The following MCF2L2 variants were observed in gnomAD, a reference collection of about 807,000 sequenced individuals.
The protein encoded by MCF2L2 is probable guanine nucleotide exchange factor MCF2L2.
Under a neutral mutation model 150.2 loss-of-function variants are expected in MCF2L2, and 102 were observed. That is an observed-to-expected ratio of 0.68 (90% CI 0.58 to 0.80). MCF2L2 has a LOEUF of 0.80. MCF2L2 is among the 30% of genes least tolerant of loss of function. The pLI is 0.00. For missense variants in MCF2L2, 1,256 were observed against 1,372.8 expected (o/e 0.91, Z 1.34); for synonymous variants, 465 against 491.3 (o/e 0.95, Z 0.71).
At chr3:183,219,547 G>A (rs538251621) in intron 21 of MCF2L2, among the ~76,000 whole-genome samples, 2 of 151,862 alleles carry the variant, frequency 1.3e-5, no homozygotes, top group East Asian at 3.9e-4. Context: ...GGAGGCAGAG[G>A]TTGCAGTGAG....
At chr3:183,357,663 A>AC (rs1473042327) in intron 3 of MCF2L2, among the ~76,000 whole-genome samples, 2 of 152,116 alleles carry the variant, frequency 1.3e-5, no homozygotes, top group Non-Finnish European at 2.9e-5. Flanking sequence ...TATCTTTTCC[A>AC]TGCACACCCT....
At chr3:183,255,948 T>C (rs1725009019) in intron 15 of MCF2L2, among the ~76,000 whole-genome samples, 1 of 152,164 alleles carries the variant, frequency 6.6e-6, no homozygotes, top group African/African-American at 2.4e-5. Flanking sequence ...GACTTTCACA[T>C]TGTAAAGGGT....
chr3:183,238,725 C>T (rs989382978), intron 15 of MCF2L2, among the ~76,000 whole-genome samples: 2 of 150,788 alleles, frequency 1.3e-5, no homozygotes, highest in Admixed American at 6.6e-5. Flanking sequence ...CGGCCGGGCG[C>T]GGTGGCTCAC....
At chr3:183,353,561 G>T (rs780928606) in intron 3 of MCF2L2, among the ~76,000 whole-genome samples, 1 of 152,072 alleles carries the variant, frequency 6.6e-6, no homozygotes, top group Non-Finnish European at 1.5e-5. Flanking sequence ...AAGGCAAAGC[G>T]GGGCAGGCAC....
intron 5 of MCF2L2, among the ~76,000 whole-genome samples, chr3:183,330,055 G>C (rs1357065710): frequency 6.6e-6 from 1 of 151,146 alleles, no homozygotes; most frequent in Non-Finnish European, 1.5e-5. Flanking sequence ...GGCAATACAA[G>C]GAAACCCCTG....
intron 3 of MCF2L2, among the ~76,000 whole-genome samples, chr3:183,342,572 C>T (rs943646237): frequency 1.3e-5 from 2 of 151,134 alleles, no homozygotes; most frequent in African/African-American, 4.9e-5. Context: ...GTTTGTAAAT[C>T]TGAAATAATA....
At chr3:183,344,752 GAA>G (rs1188181212) in intron 3 of MCF2L2, among the ~76,000 whole-genome samples, 1 of 151,272 alleles carries the variant, frequency 6.6e-6, no homozygotes, top group Non-Finnish European at 1.5e-5. Flanking sequence ...CAAATGGAAA[GAA>G]AAAAAAGACA....
At chr3:183,265,411 G>A (rs1374767789) in intron 15 of MCF2L2, 1 of 152,370 alleles carries the variant, frequency 6.6e-6, no homozygotes, top group African/African-American at 2.4e-5. Context: ...CGGCAGGCTT[G>A]TGGGCTTCTT....
intron 5 of MCF2L2, among the ~76,000 whole-genome samples, chr3:183,328,439 G>A (rs1730138893): frequency 6.6e-6 from 1 of 151,820 alleles, no homozygotes. Context: ...CAACTTGTGG[G>A]ATCTGATGCT....
chr3:183,180,324 G>A, intron 27 of MCF2L2, 165 bp from the exon 28 acceptor site: 1 of 561,020 alleles, frequency 1.8e-6, no homozygotes. Flanking sequence ...GGGGGTCTGT[G>A]ATCTCCAGGC....
At chr3:183,392,098 T>A (rs1714187603) in intron 1 of MCF2L2, among the ~76,000 whole-genome samples, 1 of 152,108 alleles carries the variant, frequency 6.6e-6, no homozygotes, top group South Asian at 2.1e-4. Flanking sequence ...AAAACAAAAA[T>A]CATAAGGTGT....
At chr3:183,185,753 C>T (rs541524493) in intron 27 of MCF2L2, among the ~76,000 whole-genome samples, 1 of 152,258 alleles carries the variant, frequency 6.6e-6, no homozygotes, top group African/African-American at 2.4e-5. Flanking sequence ...TGCTTGGTGG[C>T]CCAGAGTATA....
chr3:183,393,484 C>A (rs1714279009), intron 1 of MCF2L2, among the ~76,000 whole-genome samples: 1 of 152,124 alleles, frequency 6.6e-6, no homozygotes, highest in Non-Finnish European at 1.5e-5. Context: ...TGAGCCATTG[C>A]GCCTGGCAGA....
intron 5 of MCF2L2, among the ~76,000 whole-genome samples, chr3:183,338,278 C>T (rs947868245): frequency 5.3e-5 from 8 of 151,884 alleles, no homozygotes; most frequent in African/African-American, 1.7e-4. Context: ...GAAACCCCGT[C>T]TCTACTAAAA....
chr3:183,352,678 T>A (rs1711549352), intron 3 of MCF2L2, among the ~76,000 whole-genome samples: 1 of 151,822 alleles, frequency 6.6e-6, no homozygotes, highest in South Asian at 2.1e-4. Flanking sequence ...AGCTCTTGAG[T>A]AAAAAAAGAG....
chr3:183,302,478 G>A (rs1214247094), intron 10 of MCF2L2, among the ~76,000 whole-genome samples: 2 of 152,236 alleles, frequency 1.3e-5, no homozygotes, highest in South Asian at 4.2e-4. Context: ...AGAAGGAAAT[G>A]AGTGGAAGAC....
intron 3 of MCF2L2, among the ~76,000 whole-genome samples, chr3:183,364,146 G>A (rs982729199): frequency 6.6e-6 from 1 of 152,098 alleles, no homozygotes; most frequent in African/African-American, 2.4e-5. Context: ...CAAGATAAAT[G>A]AATGAAATAA....
In MCF2L2 at chr3:183,295,474, T is replaced by C. The variant is rs534012744; in HGVS notation, c.1501A>G (p.Lys501Glu). 3 of 1,614,118 alleles carry C rather than the reference T, an allele frequency of 1.9e-6. No individual in the cohort carries two copies. Among genetic ancestry groups the C allele is most frequent in the East Asian group, 2.2e-5 (1 of 44,874 alleles). ...AGCCTCTGCAAAACTTTCTGGGCTTTGGCCTACAGTAACAAAAGCAAATCA... is the reference window on the plus strand; with the variant it reads ...AGCCTCTGCAAAACTTTCTGGGCTTCGGCCTACAGTAACAAAAGCAAATCA... ...ELLLTLDAKA[K>E]AQKVLQRLDD... The change falls in exon 13 of 30, where the codon AAA (lysine) becomes GAA (glutamate). Residue 501 changes from lysine (K) to glutamate (E), a missense_variant. Lys to Glu is a moderately conservative substitution (Grantham distance 56, BLOSUM62 1). Transcript: ENST00000328913.
intron 3 of MCF2L2, among the ~76,000 whole-genome samples, chr3:183,351,947 A>T (rs1017005698): frequency 7.2e-5 from 11 of 152,140 alleles, no homozygotes; most frequent in Non-Finnish European, 1.6e-4. Context: ...CTGTATAGTG[A>T]CTTCAAGTCG....
Sources: allele counts gnomAD v4.1 joint callset (sites outside exome capture counted in the v4.1 genomes callset), GRCh38; gene constraint gnomAD v4.1.1; transcripts MANE v1.5; gene names NCBI Gene and HGNC (gene_info 2026-07-23, HGNC 2026-07-21).